The following LSAMP variants were observed in gnomAD, a reference collection of about 807,000 sequenced individuals.
LSAMP encodes limbic system-associated membrane protein.
Under a neutral mutation model 38.6 loss-of-function variants are expected in LSAMP, and 7 were observed. That is an observed-to-expected ratio of 0.18 (90% CI 0.10 to 0.34). The LOEUF is 0.34. Among genes scored for constraint, LSAMP ranks in the 10% least tolerant of loss-of-function variants. The pLI, the probability that LSAMP is intolerant of heterozygous loss-of-function variation, is 1.00. For synonymous variants in LSAMP, 154 were observed against 166.8 expected, an observed-to-expected ratio of 0.92 and a Z score of 0.59; for missense variants, 313 against 420.0, an observed-to-expected ratio of 0.75 and a Z score of 2.23.
chr3:115,922,562 T>C (rs1356197633), intron 3 of LSAMP, among the ~76,000 whole-genome samples: 1 of 152,222 alleles, frequency 6.6e-6, no homozygotes, highest in Non-Finnish European at 1.5e-5. Flanking sequence ...AAATTATTAA[T>C]TTCTGAAGAT....
At chr3:116,393,828 G>T (rs761080886) in intron 1 of LSAMP, among the ~76,000 whole-genome samples, 1 of 152,162 alleles carries the variant, frequency 6.6e-6, no homozygotes, top group African/African-American at 2.4e-5. Flanking sequence ...TGGGAAATGT[G>T]TTTCTAACTA....
At chr3:116,404,590 C>G (rs760788874) in intron 1 of LSAMP, among the ~76,000 whole-genome samples, 8 of 152,126 alleles carry the variant, frequency 5.3e-5, no homozygotes, top group Non-Finnish European at 8.8e-5. Context: ...CAAAGGAAGA[C>G]AGCCTGTCAT....
intron 1 of LSAMP, among the ~76,000 whole-genome samples, chr3:116,336,065 A>G (rs1185405539): frequency 6.6e-6 from 1 of 152,076 alleles, no homozygotes; most frequent in Non-Finnish European, 1.5e-5. Context: ...TTCACATGCA[A>G]AAGAATGAAA....
At chr3:116,072,587 C>T (rs919074776) in intron 2 of LSAMP, among the ~76,000 whole-genome samples, 4 of 152,024 alleles carry the variant, frequency 2.6e-5, no homozygotes, top group African/African-American at 9.7e-5. Flanking sequence ...TAATAATTGC[C>T]ATTTTGACTG....
At chr3:115,899,848 T>C (rs1936829516) in intron 3 of LSAMP, among the ~76,000 whole-genome samples, 1 of 152,026 alleles carries the variant, frequency 6.6e-6, no homozygotes, top group African/African-American at 2.4e-5. Context: ...CATCGGAGTT[T>C]ATATTTATTC....
At chr3:116,005,942 G>A (rs546425427) in intron 3 of LSAMP, among the ~76,000 whole-genome samples, 64 of 152,116 alleles carry the variant, frequency 4.2e-4, no homozygotes, top group Admixed American at 7.9e-4. Flanking sequence ...CAGAGTTTAA[G>A]AGAGGATTTA....
intron 3 of LSAMP, among the ~76,000 whole-genome samples, chr3:115,893,178 A>G (rs1936644368): frequency 6.6e-6 from 1 of 151,974 alleles, no homozygotes; most frequent in African/African-American, 2.4e-5. Flanking sequence ...GGATAACATT[A>G]GGAGAAACAC....
intron 3 of LSAMP, among the ~76,000 whole-genome samples, chr3:115,874,128 C>A (rs1481134990): frequency 6.6e-6 from 1 of 152,118 alleles, no homozygotes; most frequent in East Asian, 1.9e-4. Context: ...TATTGCAAAA[C>A]ATCAGTTTTG....
intron 2 of LSAMP, among the ~76,000 whole-genome samples, chr3:116,064,666 C>T (rs1037382460): frequency 6.6e-6 from 1 of 152,042 alleles, no homozygotes; most frequent in African/African-American, 2.4e-5. Context: ...AATTGAGCAC[C>T]TACTATATCA....
intron 2 of LSAMP, among the ~76,000 whole-genome samples, chr3:116,072,199 T>G (rs559453112): frequency 6.6e-6 from 1 of 152,062 alleles, no homozygotes; most frequent in South Asian, 2.1e-4. Flanking sequence ...ATGGTCTCGA[T>G]CTCTTGACCT....
chr3:116,273,683 C>CAGATATATATATAT (rs150705226), intron 1 of LSAMP, among the ~76,000 whole-genome samples: 516 of 50,392 alleles, frequency 0.01, 58 homozygotes, highest in African/African-American at 0.038. Context: ...GAGAAAGAGG[C>CAGATATATATATAT]ATATATATAT....
chr3:116,276,913 A>G (rs968573847), intron 1 of LSAMP, among the ~76,000 whole-genome samples: 5 of 152,304 alleles, frequency 3.3e-5, no homozygotes, highest in African/African-American at 1.2e-4. Context: ...GGGCTTTGGA[A>G]TGAACAGTAT....
At chr3:116,208,913 T>C (rs1211441379) in intron 1 of LSAMP, among the ~76,000 whole-genome samples, 1 of 152,218 alleles carries the variant, frequency 6.6e-6, no homozygotes, top group African/African-American at 2.4e-5. Flanking sequence ...CTCCTTGAGC[T>C]GTGGTGGGCT....
At chr3:115,829,721 A>G (rs1406693687) in intron 6 of LSAMP, among the ~76,000 whole-genome samples, 3 of 152,350 alleles carry the variant, frequency 2.0e-5, no homozygotes, top group Non-Finnish European at 4.4e-5. Context: ...CTCTTCTTAA[A>G]TGTAATATTA....
At chr3:116,181,740 C>T (rs1710489977) in intron 1 of LSAMP, among the ~76,000 whole-genome samples, 1 of 151,962 alleles carries the variant, frequency 6.6e-6, no homozygotes, top group Admixed American at 6.6e-5. Flanking sequence ...CATTCAGATA[C>T]CACACTCCCA....
intron 3 of LSAMP, among the ~76,000 whole-genome samples, chr3:115,980,412 G>A (rs1423728531): frequency 1.3e-5 from 2 of 152,042 alleles, no homozygotes; most frequent in Non-Finnish European, 2.9e-5. Flanking sequence ...TGTGTAAAAG[G>A]AAAATAAGCC....
At chr3:116,323,482 C>A (rs1354776867) in intron 1 of LSAMP, among the ~76,000 whole-genome samples, 1 of 152,074 alleles carries the variant, frequency 6.6e-6, no homozygotes, top group African/African-American at 2.4e-5. Context: ...CCCAATTAAT[C>A]ATTTTTAATT....
intron 1 of LSAMP, among the ~76,000 whole-genome samples, chr3:116,216,310 T>A (rs2046218780): frequency 6.6e-6 from 1 of 152,184 alleles, no homozygotes; most frequent in Non-Finnish European, 1.5e-5. Context: ...TAACGGATCC[T>A]CTTTGGTCTG....
At chr3:115,857,316 T>C (rs1240349694) in intron 3 of LSAMP, among the ~76,000 whole-genome samples, 2 of 152,162 alleles carry the variant, frequency 1.3e-5, no homozygotes, top group Non-Finnish European at 2.9e-5. Flanking sequence ...AGAGGGCAAC[T>C]TTTCTCCACT....
Sources: gnomAD v4.1 joint callset for allele counts (sites outside exome capture counted in the v4.1 genomes callset) on GRCh38, gnomAD v4.1.1 for gene constraint, MANE v1.5 for transcripts, NCBI Gene and HGNC (gene_info 2026-07-23, HGNC 2026-07-21) for gene names.